Variants in CNTN4 observed in about 807,000 individuals in gnomAD.
The protein encoded by CNTN4 is contactin-4.
Under a neutral mutation model 122.5 loss-of-function variants are expected in CNTN4, and 77 were observed. The ratio of observed to expected loss-of-function variants is 0.63; its 90% CI spans 0.52 to 0.76. The LOEUF (loss-of-function observed/expected upper bound fraction) is 0.76. Among genes scored for constraint, CNTN4 ranks in the 30% least tolerant of loss-of-function variants. The probability of loss-of-function intolerance (pLI) is 0.00; values close to 1 mark genes in which losing one functional copy is unlikely to be tolerated. For synonymous variants in CNTN4, 512 were observed against 447.0 expected, an observed-to-expected ratio of 1.15 and a Z score of -1.83; for missense variants, 1,256 against 1,259.1, an observed-to-expected ratio of 1.00 and a Z score of 0.04.
At chr3:2,471,864 C>T (rs777445517) in intron 3 of CNTN4, among the ~76,000 whole-genome samples, 8 of 152,078 alleles carry the variant, frequency 5.3e-5, no homozygotes, top group Non-Finnish European at 1.2e-4. Flanking sequence ...GCCTTATTTT[C>T]GTCAAAGCTG....
At chr3:2,418,674 A>T (rs1006550833) in intron 3 of CNTN4, among the ~76,000 whole-genome samples, 1 of 152,220 alleles carries the variant, frequency 6.6e-6, no homozygotes, top group African/African-American at 2.4e-5. Context: ...TCCAGGGTTT[A>T]TAGGAAAGGA....
intron 6 of CNTN4, among the ~76,000 whole-genome samples, chr3:2,815,290 G>A (rs975652880): frequency 6.6e-6 from 1 of 152,172 alleles, no homozygotes; most frequent in African/African-American, 2.4e-5. Context: ...ACAGTCAGCA[G>A]AGTGAACGGA....
intron 13 of CNTN4, among the ~76,000 whole-genome samples, chr3:2,960,241 C>G (rs2124982679): frequency 6.6e-6 from 1 of 152,280 alleles, no homozygotes; most frequent in Non-Finnish European, 1.5e-5. Flanking sequence ...CACTTTGGTT[C>G]ATGTTAGAAC....
At chr3:2,201,507 A>C (rs577681585) in intron 2 of CNTN4, among the ~76,000 whole-genome samples, 2 of 152,316 alleles carry the variant, frequency 1.3e-5, no homozygotes, top group East Asian at 3.9e-4. Flanking sequence ...CAAAGATGCT[A>C]ATTACATCCA....
chr3:2,579,503 A>G (rs1367687801), intron 4 of CNTN4, among the ~76,000 whole-genome samples: 1 of 151,150 alleles, frequency 6.6e-6, no homozygotes, highest in Non-Finnish European at 1.5e-5. Flanking sequence ...GTTGTGTGAT[A>G]AAGGTACATC....
intron 12 of CNTN4, among the ~76,000 whole-genome samples, chr3:2,915,749 C>T (rs2094346912): frequency 6.6e-6 from 1 of 152,116 alleles, no homozygotes; most frequent in South Asian, 2.1e-4. Flanking sequence ...GATTTGCACA[C>T]CTATATTAAT....
intron 3 of CNTN4, among the ~76,000 whole-genome samples, chr3:2,541,119 G>A (rs2078014510): frequency 6.6e-6 from 1 of 151,956 alleles, no homozygotes; most frequent in South Asian, 2.1e-4. Context: ...CCAGATTTAG[G>A]GTGTTTGAAG....
chr3:2,430,465 T>G (rs2151194159), intron 3 of CNTN4, among the ~76,000 whole-genome samples: 1 of 151,762 alleles, frequency 6.6e-6, no homozygotes, highest in Non-Finnish European at 1.5e-5. Flanking sequence ...TCACCTGTCT[T>G]CTGCATTGCT....
intron 12 of CNTN4, among the ~76,000 whole-genome samples, chr3:2,905,694 A>G (rs547780934): frequency 6.6e-6 from 1 of 152,390 alleles, no homozygotes; most frequent in South Asian, 2.1e-4. Context: ...AGAACAATAA[A>G]GGCATGTCAT....
At chr3:2,195,305 T>G (rs1250810309) in intron 2 of CNTN4, among the ~76,000 whole-genome samples, 1 of 152,236 alleles carries the variant, frequency 6.6e-6, no homozygotes, top group African/African-American at 2.4e-5. Context: ...TTCCACATTT[T>G]CTTTATCTGT....
chr3:2,502,843 A>T (rs574220808), intron 3 of CNTN4, among the ~76,000 whole-genome samples: 1 of 152,094 alleles, frequency 6.6e-6, no homozygotes, highest in Admixed American at 6.6e-5. Context: ...TCTTTTATAA[A>T]TCTTAGTAAC....
intron 4 of CNTN4, among the ~76,000 whole-genome samples, chr3:2,634,035 A>G (rs1316026230): frequency 1.3e-5 from 2 of 152,222 alleles, no homozygotes; most frequent in Non-Finnish European, 2.9e-5. Context: ...TTGGGAAACA[A>G]TTTAAATTGT....
intron 2 of CNTN4, among the ~76,000 whole-genome samples, chr3:2,111,155 A>G (rs756230770): frequency 1.3e-5 from 2 of 152,184 alleles, no homozygotes; most frequent in Non-Finnish European, 2.9e-5. Context: ...CAGTGGTCAG[A>G]ATTCCCGATA....
At chr3:2,625,542 G>T (rs1254220563) in intron 4 of CNTN4, among the ~76,000 whole-genome samples, 2 of 152,032 alleles carry the variant, frequency 1.3e-5, no homozygotes, top group African/African-American at 4.8e-5. Context: ...CTACTTTTAT[G>T]GTTTTGCCAC....
At chr3:2,460,151 C>A (rs2049151974) in intron 3 of CNTN4, among the ~76,000 whole-genome samples, 1 of 152,022 alleles carries the variant, frequency 6.6e-6, no homozygotes, top group Admixed American at 6.6e-5. Flanking sequence ...GTCACCCTGA[C>A]AATAGAAGAA....
intron 2 of CNTN4, among the ~76,000 whole-genome samples, chr3:2,227,974 TA>T (rs1200928143): frequency 2.6e-5 from 4 of 152,170 alleles, no homozygotes; most frequent in African/African-American, 7.2e-5. Flanking sequence ...AGAAGTAAAG[TA>T]TTACTGAAAG....
At chr3:2,816,661 A>T (rs1416891126) in intron 6 of CNTN4, among the ~76,000 whole-genome samples, 8 of 151,406 alleles carry the variant, frequency 5.3e-5, no homozygotes, top group Non-Finnish European at 1.2e-4. Context: ...TCTCTACTAA[A>T]AATACAAAAA....
chr3:2,413,949 C>G (rs575582447), intron 3 of CNTN4, among the ~76,000 whole-genome samples: 1 of 152,142 alleles, frequency 6.6e-6, no homozygotes, highest in African/African-American at 2.4e-5. Context: ...GTGCCAACAA[C>G]TCAGTATTTA....
chr3:2,617,683 A>C (rs2081824177), intron 4 of CNTN4, among the ~76,000 whole-genome samples: 1 of 152,140 alleles, frequency 6.6e-6, no homozygotes, highest in South Asian at 2.1e-4. Flanking sequence ...GGCCTCCCAA[A>C]GTGCTGGGAT....
Sources: gnomAD v4.1 joint callset for allele counts (sites outside exome capture counted in the v4.1 genomes callset) on GRCh38, gnomAD v4.1.1 for gene constraint, MANE v1.5 for transcripts, NCBI Gene and HGNC (gene_info 2026-07-23, HGNC 2026-07-21) for gene names.